The following NFRKB variants were observed in gnomAD, a reference collection of about 807,000 sequenced individuals.
The protein encoded by NFRKB is nuclear factor related to kappa-B-binding protein.
Under a neutral mutation model 135.7 loss-of-function variants are expected in NFRKB, and 62 were observed. The observed-to-expected ratio is 0.46, with a 90% confidence interval of 0.37 to 0.56. The LOEUF (loss-of-function observed/expected upper bound fraction) is 0.56, where lower values mean the gene tolerates loss of function less well. Among genes scored for constraint, NFRKB ranks in the 20% least tolerant of loss-of-function variants. NFRKB has a pLI of 0.00. For missense variants in NFRKB, 1,545 were observed against 1,662.0 expected (o/e 0.93, Z 1.22); for synonymous variants, 678 against 635.6 (o/e 1.07, Z -1.00).
rs1948869058 is a variant in NFRKB, at chr11:129,878,329, G to A, written c.1491C>T (p.Ala497=). ...CTCACACCCGAGGGACAGGTGTTGT[G>A]GCATCTGAGCTGTCTTCATTTTCTT... ...CKQENEDSSD[A]TTPVPRVRTD... The change falls in exon 15 of 27, where the codon GCC becomes GCT. Residue 497 remains alanine (A), a synonymous_variant. Coordinates refer to ENST00000682444, the MANE Select transcript of NFRKB (RefSeq NM_001143835.2). The A allele has an allele frequency of 6.2e-7, 1 of 1,614,074 alleles. No individual in the cohort carries two copies. The highest frequency in any genetic ancestry group is 8.5e-7 in the Non-Finnish European group (1 of 1,180,046).
chr11:129,878,114 C>G (rs1188107007), intron 15 of NFRKB, among the ~76,000 whole-genome samples, 195 bp downstream of exon 15: 1 of 151,548 alleles, frequency 6.6e-6, no homozygotes, highest in Non-Finnish European at 1.5e-5. Context: ...GCCGTCCCCT[C>G]TCTCCACCAC....
At chr11:129,877,681 C>T (rs898834974) in intron 15 of NFRKB, among the ~76,000 whole-genome samples, 2 of 152,042 alleles carry the variant, frequency 1.3e-5, no homozygotes, top group African/African-American at 4.8e-5. Context: ...GTTCTAAAGG[C>T]AACAAACAAT....
chr11:129,865,268 A>C (rs1293263070), intron 25 of NFRKB, among the ~76,000 whole-genome samples, 167 bp from the exon 26 acceptor site: 5 of 152,192 alleles, frequency 3.3e-5, no homozygotes, highest in Non-Finnish European at 5.9e-5. Flanking sequence ...TTCCAGCTTC[A>C]CCACTTCCCA....
In NFRKB at chr11:129,881,719, C is replaced by A; in HGVS notation, c.1318+8G>T. The A allele has an allele frequency of 6.2e-7, 1 of 1,613,728 alleles. No homozygotes were observed. Among genetic ancestry groups the A allele is most frequent in the South Asian group, 1.1e-5 (1 of 90,992 alleles). On this transcript the variant is annotated splice_region_variant and intron_variant, in intron 12 of 26. Transcript: ENST00000682444. Reference sequence around the variant, plus strand: ...AAAATACTGACCCTACAAAAAAGAGCATCTTACCTCGACTTTCTCCAGCAA... The same window carrying A: ...AAAATACTGACCCTACAAAAAAGAGAATCTTACCTCGACTTTCTCCAGCAA...
At chr11:129,865,816 G>A (rs1306768597) in intron 25 of NFRKB, 61 bp downstream of exon 25, 2 of 1,493,922 alleles carry the variant, frequency 1.3e-6, no homozygotes, top group Non-Finnish European at 1.9e-6. Context: ...ACAAGGACTG[G>A]TAAGCCCTGC....
chr11:129,870,152 G>A lies in NFRKB; in HGVS notation c.2873C>T (p.Ser958Phe), dbSNP rs866491803. The A allele has an allele frequency of 1.2e-6, 2 of 1,614,236 alleles. No individual in the cohort carries two copies. Among genetic ancestry groups the A allele is most frequent in the Non-Finnish European group, 1.7e-6 (2 of 1,180,042 alleles). The change falls in exon 24 of 27, where the codon TCT becomes TTT. Residue 958 changes from serine to phenylalanine, a missense_variant. Around this residue, in one of 3 missense-constraint regions of NFRKB, gnomAD observed 753 missense variants for 804.3 expected, o/e 0.94. Coordinates refer to ENST00000682444, the MANE Select transcript of NFRKB (RefSeq NM_001143835.2). ...GCCCTTGGCATCTGTGGTGATGGAA[G>A]AGGGCGGCAGACGCAATACATCCTT... is the stretch of plus-strand genomic sequence containing the variant. ...QGKDVLRLPP[S>F]SITTDAKGQT...
Position 129,870,224 on chromosome 11 carries a change from G to A in NFRKB, c.2801C>T (p.Thr934Ile). 3.1e-6 allele frequency: 5 copies of A among 1,614,128 alleles called. No individual in the cohort carries two copies. Among genetic ancestry groups the A allele is most frequent in the Non-Finnish European group, 4.2e-6 (5 of 1,179,974 alleles). Reference sequence around the variant, plus strand: ...GGCTGTGAGTGGAATGCTGTTGCCTGTTTGGGGCTTCACACCAAGCTGCCC... The same window carrying A: ...GGCTGTGAGTGGAATGCTGTTGCCTATTTGGGGCTTCACACCAAGCTGCCC... ...ITGQLGVKPQ[T>I]GNSIPLTATN... is the part of the protein sequence containing the mutation. Residue 934 changes from threonine to isoleucine, a missense_variant, in exon 24 of 27, where the codon ACA becomes ATA. Thr to Ile is a moderately conservative substitution (Grantham distance 89, BLOSUM62 -1). Coordinates refer to ENST00000682444, the MANE Select transcript of NFRKB (RefSeq NM_001143835.2).
chr11:129,890,176 A>AC (rs1421909668), intron 3 of NFRKB, among the ~76,000 whole-genome samples: 2 of 151,608 alleles, frequency 1.3e-5, no homozygotes, highest in African/African-American at 4.9e-5. Flanking sequence ...GACAATGGAG[A>AC]CCCACTAAAG....
At chr11:129,875,772 T>A (rs1455815283) in intron 17 of NFRKB, among the ~76,000 whole-genome samples, 1 of 147,366 alleles carries the variant, frequency 6.8e-6, no homozygotes, top group African/African-American at 2.5e-5. Context: ...TCCTCCTGCC[T>A]CAGCCTCCCT....
At chr11:129,886,578 GA>G in intron 4 of NFRKB, 134 bp from the exon 5 acceptor site, 1 of 813,624 alleles carries the variant, frequency 1.2e-6, no homozygotes. Context: ...ACATTTAAGA[GA>G]ATCAAGAAGG....
chr11:129,882,200 G>A lies in NFRKB; in HGVS notation c.1083-6C>T, dbSNP rs1949060882. On this transcript the variant is annotated splice_polypyrimidine_tract_variant and splice_region_variant and intron_variant, in intron 10 of 26. Transcript: ENST00000682444. Reference sequence around the variant, plus strand: ...GCTTGAGGTCTTCAAGGGGCCTAATGAGGGAAGAAAAATATAAGAACCAAA... The same window carrying A: ...GCTTGAGGTCTTCAAGGGGCCTAATAAGGGAAGAAAAATATAAGAACCAAA... The A allele has an allele frequency of 2.1e-5, 33 of 1,592,916 alleles. No individual in the cohort carries two copies. The highest frequency in any genetic ancestry group is 2.6e-5 in the Non-Finnish European group (31 of 1,173,554).
intron 17 of NFRKB, among the ~76,000 whole-genome samples, chr11:129,876,097 C>T (rs945981915): frequency 6.6e-6 from 1 of 152,194 alleles, no homozygotes; most frequent in African/African-American, 2.4e-5. Context: ...AAACCATATA[C>T]TGCAGTGCTG....
In NFRKB at chr11:129,882,147, G is replaced by T; in HGVS notation, c.1130C>A (p.Ser377Tyr). The T allele has an allele frequency of 6.2e-7, 1 of 1,613,688 alleles. No homozygotes were observed. Among genetic ancestry groups the T allele is most frequent in the Non-Finnish European group, 8.5e-7 (1 of 1,179,886 alleles). ...KPCLGINEIS[S>Y]SFFSLLLEIL... Reference sequence around the variant, plus strand: ...CTCTAATAGAAGAGAGAAGAAGCTGGAAGATATTTCATTGATTCCAAGGCA... The same window carrying T: ...CTCTAATAGAAGAGAGAAGAAGCTGTAAGATATTTCATTGATTCCAAGGCA... Residue 377 changes from serine (S) to tyrosine (Y), a missense_variant, in exon 11 of 27, where the codon TCC becomes TAC. Around this residue, in one of 3 missense-constraint regions of NFRKB, gnomAD observed 678 missense variants for 646.7 expected, o/e 1.05. Coordinates refer to ENST00000682444, the MANE Select transcript of NFRKB (RefSeq NM_001143835.2).
chr11:129,879,255 A>G (rs1218909534), intron 13 of NFRKB, among the ~76,000 whole-genome samples: 2 of 152,154 alleles, frequency 1.3e-5, no homozygotes, highest in East Asian at 3.9e-4. Flanking sequence ...ACACAATATC[A>G]CTATTTGCAG....
In NFRKB at chr11:129,882,459, G is replaced by C; in HGVS notation, c.1074C>G (p.Ile358Met). Reference sequence around the variant, plus strand: ...CTCTGTTGCTCACTTACTCTTCCTTGATAGCAGGAATTGCCAGCGGAGAGG... The same window carrying C: ...CTCTGTTGCTCACTTACTCTTCCTTCATAGCAGGAATTGCCAGCGGAGAGG... ...QAPSPLAIPA[I>M]KEEPLEDLKP... The change falls in exon 10 of 27, where the codon ATC becomes ATG. Residue 358 changes from isoleucine (I) to methionine (M), a missense_variant. Transcript: ENST00000682444. The C allele has an allele frequency of 6.2e-7, 1 of 1,613,304 alleles. No homozygotes were observed. Among genetic ancestry groups the C allele is most frequent in the Non-Finnish European group, 8.5e-7 (1 of 1,179,720 alleles).
rs771948598 is a variant in NFRKB, at chr11:129,888,685, A to G, written c.246T>C (p.Ala82=). ...QFLPQFPEDS[A]EQQNELILAL... ...CTAAGATGAGTTCATTCTGCTGCTC[A>G]GCACTGTCTTCAGGAAACTGGGGCA... Residue 82 remains alanine (A), a synonymous_variant, in exon 4 of 27, where the codon GCT becomes GCC. Coordinates refer to ENST00000682444, the MANE Select transcript of NFRKB (RefSeq NM_001143835.2). 49 of 1,614,108 alleles carry G rather than the reference A, an allele frequency of 3.0e-5. No individual in the cohort carries two copies. Among genetic ancestry groups the G allele is most frequent in the Non-Finnish European group, 4.1e-5 (48 of 1,180,046 alleles).
chr11:129,890,260 C>T (rs1367702942), intron 3 of NFRKB, among the ~76,000 whole-genome samples: 6 of 152,074 alleles, frequency 3.9e-5, no homozygotes, highest in Admixed American at 3.9e-4. Context: ...TCAAAAACAC[C>T]TCAGTCCCAA....
intron 3 of NFRKB, 106 bp from the exon 4 acceptor site, chr11:129,888,901 A>C: frequency 6.0e-6 from 5 of 830,320 alleles, no homozygotes; most frequent in Non-Finnish European, 7.4e-6. Context: ...TACCAATTTA[A>C]CCATTTTTAA....
rs771554222 is a variant in NFRKB at position 129,864,722 on chromosome 11, T to A, written c.*3A>T. 1.2e-6 allele frequency: 2 copies of A among 1,614,158 alleles called. No individual in the cohort carries two copies. The highest frequency in any genetic ancestry group is 2.2e-5 in the South Asian group (2 of 91,080). ...CTTTCACGGAAGCCATCCTCTCTCA[T>A]AATCATTGTTGCTCAGGTGCCTGTT... On this transcript the variant is annotated 3_prime_UTR_variant, in exon 27 of 27. Transcript: ENST00000682444.
Sources: gnomAD v4.1 joint callset for allele counts (sites outside exome capture counted in the v4.1 genomes callset) on GRCh38, gnomAD v4.1.1 for gene constraint, gnomAD v4.1.1 regional missense constraint, MANE v1.5 for transcripts, NCBI Gene and HGNC (gene_info 2026-07-23, HGNC 2026-07-21) for gene names.